Variants in ACO2 observed in about 807,000 individuals in gnomAD.
ACO2 encodes the protein aconitate hydratase, mitochondrial.
ACO2 carries 31 observed loss-of-function variants against 84.5 expected under a neutral mutation model. The ratio of observed to expected loss-of-function variants is 0.37; its 90% CI spans 0.28 to 0.50. The LOEUF (loss-of-function observed/expected upper bound fraction) is 0.50. ACO2 is among the 20% of genes least tolerant of loss of function. The probability of loss-of-function intolerance (pLI) is 0.97; values close to 1 mark genes in which losing one functional copy is unlikely to be tolerated. For synonymous variants in ACO2, 414 were observed against 412.7 expected, an observed-to-expected ratio of 1.00 and a Z score of -0.04; for missense variants, 685 against 1,029.3, an observed-to-expected ratio of 0.67 and a Z score of 4.58.
rs753688899 is a variant in ACO2, at chr22:41,528,468, TCTC to T, written c.2209-8_2209-6del. The T allele has an allele frequency of 3.7e-6, 6 of 1,611,044 alleles. No individual in the cohort carries two copies. Among genetic ancestry groups the T allele is most frequent in the South Asian group, 1.1e-5 (1 of 90,932 alleles). On this transcript the variant is annotated splice_polypyrimidine_tract_variant and splice_region_variant and intron_variant, in intron 17 of 17. Coordinates refer to ENST00000216254, the MANE Select transcript of ACO2 (RefSeq NM_001098.3). ...CCACCACTTCCACCCACACCCACCT[TCTC>T]CTTGCAGCCCCTGAAGTGCATCATC...
chr22:41,493,990 CAG>C (rs1163611359), intron 1 of ACO2, among the ~76,000 whole-genome samples: 1 of 152,130 alleles, frequency 6.6e-6, no homozygotes, highest in East Asian at 1.9e-4. Flanking sequence ...ACCCTGGAGA[CAG>C]AGGTTGCAGT....
intron 4 of ACO2, 130 bp downstream of exon 4, chr22:41,512,098 G>A (rs1183488770): frequency 5.1e-6 from 3 of 592,022 alleles, no homozygotes; most frequent in African/African-American, 2.0e-5. Context: ...CAGCTCTTAT[G>A]CTCTTCCTCC....
Position 41,473,312 on chromosome 22 carries a change from C to G in ACO2, c.36+4130C>G, listed in dbSNP as rs2037968017. Among the ~76,000 whole-genome samples, 4 of 152,146 alleles carry G rather than the reference C, an allele frequency of 2.6e-5. No individual in the cohort carries two copies. In the South Asian group the frequency reaches 8.3e-4, roughly 32 times the overall value. The stretch of plus-strand genomic sequence containing the variant: ...CTGAGATCAGAAATTCAAGACCAGC[C>G]TGGCCAACATGGTGAAACCCAATAG... On this transcript the variant is annotated intron_variant, in intron 1 of 17. Transcript: ENST00000216254.
chr22:41,526,153 T>C (rs1049565793), intron 14 of ACO2, 109 bp from the exon 15 acceptor site: 6 of 959,462 alleles, frequency 6.3e-6, no homozygotes, highest in African/African-American at 1.6e-5. Context: ...CTCTCACCCC[T>C]CTGTCACCCC....
At chr22:41,528,069 C>T (rs773778435) in intron 17 of ACO2, 47 bp downstream of exon 17, 2 of 1,612,528 alleles carry the variant, frequency 1.2e-6, no homozygotes, top group East Asian at 4.5e-5. Context: ...GGGGCAGCCA[C>T]CTTGTTTCCC....
chr22:41,498,147 A>C (rs2066328729), intron 1 of ACO2, among the ~76,000 whole-genome samples: 1 of 152,140 alleles, frequency 6.6e-6, no homozygotes, highest in South Asian at 2.1e-4. Flanking sequence ...CATCTCAAAA[A>C]TAAGTAAATA....
At chr22:41,492,437 G>A (rs1417029728) in intron 1 of ACO2, among the ~76,000 whole-genome samples, 1 of 152,096 alleles carries the variant, frequency 6.6e-6, no homozygotes, top group Non-Finnish European at 1.5e-5. Context: ...AGGAGTTTGA[G>A]ACCAGCCTGG....
At chr22:41,497,864 C>T (rs1304590860) in intron 1 of ACO2, among the ~76,000 whole-genome samples, 1 of 147,836 alleles carries the variant, frequency 6.8e-6, no homozygotes, top group Non-Finnish European at 1.5e-5. Context: ...ACCTGGGCAA[C>T]AGAGCAAGAC....
chr22:41,517,566 C>G lies in ACO2; in HGVS notation c.875C>G (p.Ala292Gly). The part of the protein sequence containing the change: ...TICNMGAEIG[A>G]TTSVFPYNHR... The stretch of plus-strand genomic sequence containing the variant: ...TGCAACATGGGTGCAGAAATTGGGG[C>G]CACCACTTCCGTGTTCCCTTACAAC... The change falls in exon 7 of 18, where the codon GCC (alanine) becomes GGC (glycine). Residue 292 changes from alanine (A) to glycine (G), a missense_variant. Around this residue, in one of 5 missense-constraint regions of ACO2, gnomAD observed 311 missense variants for 441.6 expected, o/e 0.70. Coordinates refer to ENST00000216254, the MANE Select transcript of ACO2 (RefSeq NM_001098.3). 1 of 1,614,026 alleles carries G rather than the reference C, an allele frequency of 6.2e-7. No individual in the cohort carries two copies. Among genetic ancestry groups the G allele is most frequent in the Non-Finnish European group, 8.5e-7 (1 of 1,180,028 alleles).
chr22:41,525,740 A>C (rs562760930), intron 14 of ACO2: 3 of 239,208 alleles, frequency 1.3e-5, no homozygotes, highest in East Asian at 2.0e-4. Context: ...TCCTGCCCCC[A>C]CAGTTGGGCA....
intron 15 of ACO2, chr22:41,526,706 T>G: frequency 2.3e-6 from 1 of 442,976 alleles, no homozygotes; most frequent in African/African-American, 2.0e-5. Context: ...TATCTGGCCC[T>G]AGACAAAGAC....
intron 10 of ACO2, 78 bp downstream of exon 10, chr22:41,523,065 C>T: frequency 1.3e-6 from 2 of 1,583,100 alleles, no homozygotes; most frequent in South Asian, 1.2e-5. Context: ...GCCCAGAGGC[C>T]TGTTGGGCCG....
At chr22:41,507,036 C>T (rs17002487) in intron 2 of ACO2, among the ~76,000 whole-genome samples, 13,185 of 151,700 alleles carry the variant, frequency 0.087, 1,554 homozygotes, top group East Asian at 0.48. Flanking sequence ...AGGGCCGGAC[C>T]CCAGGGCAGG....
chr22:41,495,917 C>G (rs931822491), intron 1 of ACO2, among the ~76,000 whole-genome samples: 5 of 151,218 alleles, frequency 3.3e-5, no homozygotes, highest in African/African-American at 9.7e-5. Flanking sequence ...GTTTTTATTT[C>G]TAAGGAAACT....
intron 2 of ACO2, among the ~76,000 whole-genome samples, chr22:41,500,686 A>G (rs1178756383): frequency 6.6e-6 from 1 of 151,278 alleles, no homozygotes; most frequent in Non-Finnish European, 1.5e-5. Flanking sequence ...CGCCTGGCCT[A>G]TTTTATTTTA....
intron 1 of ACO2, among the ~76,000 whole-genome samples, chr22:41,480,202 C>T (rs921443065): frequency 6.6e-6 from 1 of 152,196 alleles, no homozygotes; most frequent in African/African-American, 2.4e-5. Flanking sequence ...ATGTGCATTC[C>T]TGTGTTGCCC....
rs1265540660 is a variant in ACO2 at position 41,515,872 on chromosome 22, A to G, written c.790A>G (p.Ile264Val). Residue 264 changes from isoleucine to valine, a missense_variant, in exon 6 of 18, where the codon ATC (isoleucine) becomes GTC (valine). By Grantham distance (29) the Ile-to-Val change is conservative. Around this residue, in one of 5 missense-constraint regions of ACO2, gnomAD observed 311 missense variants for 441.6 expected, o/e 0.70. Transcript: ENST00000216254. This position sits in a 1 kb window ranked among gnomAD's most constrained non-coding sequence, Gnocchi z 5.8. ...ILTVKGGTGAIVEYHGPGVDS... is the reference protein window; with the variant it reads ...ILTVKGGTGAVVEYHGPGVDS... Reference sequence around the variant, plus strand: ...CACGGTGAAAGGTGGCACAGGTGCAATCGTGGAATACCACGGGCCTGGTGT... The same window carrying G: ...CACGGTGAAAGGTGGCACAGGTGCAGTCGTGGAATACCACGGGCCTGGTGT... 20 of 1,614,218 alleles carry G rather than the reference A, an allele frequency of 1.2e-5. No homozygotes were observed. The highest frequency in any genetic ancestry group is 1.6e-5 in the Non-Finnish European group (19 of 1,180,018).
intron 4 of ACO2, among the ~76,000 whole-genome samples, chr22:41,514,916 A>T (rs1225880938): frequency 6.6e-6 from 1 of 152,218 alleles, no homozygotes; most frequent in African/African-American, 2.4e-5. Flanking sequence ...GCCTCCCAGG[A>T]CTTCTTCCTC....
chr22:41,507,526 C>A (rs1028343841), intron 2 of ACO2, among the ~76,000 whole-genome samples: 2 of 152,172 alleles, frequency 1.3e-5, no homozygotes, highest in Admixed American at 1.3e-4. Flanking sequence ...AAAGAACCAG[C>A]GCTGCCCTCT....
Sources: allele counts gnomAD v4.1 joint callset (sites outside exome capture counted in the v4.1 genomes callset), GRCh38; gene constraint gnomAD v4.1.1; regional missense constraint gnomAD v4.1.1; non-coding constraint Gnocchi (gnomAD v3.1); transcripts MANE v1.5; gene names NCBI Gene and HGNC (gene_info 2026-07-23, HGNC 2026-07-21).